Variants in BABAM2 observed in about 807,000 individuals in gnomAD.
BABAM2 encodes the protein BRISC and BRCA1-A complex member 2.
Under a neutral mutation model 54.7 loss-of-function variants are expected in BABAM2, and 31 were observed. That is an observed-to-expected ratio of 0.57 (90% CI 0.43 to 0.77). BABAM2 has a LOEUF of 0.77. Among genes scored for constraint, BABAM2 ranks in the 30% least tolerant of loss-of-function variants. The pLI is 0.00. For missense variants in BABAM2, 364 were observed against 455.8 expected (o/e 0.80, Z 1.83); for synonymous variants, 167 against 162.9 (o/e 1.03, Z -0.19).
At chr2:28,000,607 A>G (rs1174704942) in intron 4 of BABAM2, among the ~76,000 whole-genome samples, 1 of 152,190 alleles carries the variant, frequency 6.6e-6, no homozygotes, top group African/African-American at 2.4e-5. Context: ...TGCAACCCAC[A>G]GAAGTGGGAG....
intron 3 of BABAM2, among the ~76,000 whole-genome samples, chr2:27,936,891 A>G (rs897006951): frequency 6.6e-6 from 1 of 152,156 alleles, no homozygotes; most frequent in East Asian, 1.9e-4. Context: ...TGGCACATGT[A>G]TACATATGTA....
In BABAM2 at chr2:28,338,585, C is replaced by A; in HGVS notation, c.*72C>A. 1.3e-6 allele frequency: 2 copies of A among 1,551,848 alleles called. No individual in the cohort carries two copies. Among genetic ancestry groups the A allele is most frequent in the East Asian group, 2.3e-5 (1 of 44,388 alleles). On this transcript the variant is annotated 3_prime_UTR_variant, in exon 12 of 12. Coordinates refer to ENST00000379624, the MANE Select transcript of BABAM2 (RefSeq NM_199191.3). Reference sequence around the variant, plus strand: ...GCGTGTCAGCACATACAGCCGCTTCCTGGAAGCCGCCTGGAATGTCTTCAC... The same window carrying A: ...GCGTGTCAGCACATACAGCCGCTTCATGGAAGCCGCCTGGAATGTCTTCAC...
At chr2:28,066,672 G>C (rs1398944133) in intron 6 of BABAM2, among the ~76,000 whole-genome samples, 2 of 152,162 alleles carry the variant, frequency 1.3e-5, no homozygotes, top group Non-Finnish European at 2.9e-5. Context: ...TATTAGGAAG[G>C]CTTGATGCCT....
chr2:27,915,918 T>G (rs913249875), intron 2 of BABAM2, among the ~76,000 whole-genome samples: 7 of 152,224 alleles, frequency 4.6e-5, no homozygotes, highest in African/African-American at 1.7e-4. Context: ...GTTTTCCATC[T>G]ATTCTTTCCT....
chr2:28,185,831 C>T (rs7586315), intron 7 of BABAM2, among the ~76,000 whole-genome samples: 10,761 of 151,990 alleles, frequency 0.071, 429 homozygotes, highest in African/African-American at 0.096. Context: ...CTACAAAGAC[C>T]ACTGGGAGGC....
intron 6 of BABAM2, among the ~76,000 whole-genome samples, chr2:28,083,016 C>T (rs1311741187): frequency 6.6e-6 from 1 of 152,206 alleles, no homozygotes; most frequent in Non-Finnish European, 1.5e-5. Flanking sequence ...CCATCCTCTG[C>T]CATCATCCTC....
At chr2:28,003,058 A>G (rs1243678863) in intron 4 of BABAM2, among the ~76,000 whole-genome samples, 1 of 152,180 alleles carries the variant, frequency 6.6e-6, no homozygotes, top group Non-Finnish European at 1.5e-5. Flanking sequence ...TTTGGTGATT[A>G]TTAGGATTTA....
At chr2:28,092,262 G>A (rs1666214951) in intron 6 of BABAM2, among the ~76,000 whole-genome samples, 1 of 152,080 alleles carries the variant, frequency 6.6e-6, no homozygotes, top group African/African-American at 2.4e-5. Context: ...TGATTGGAAA[G>A]GAAGAAGTAC....
intron 5 of BABAM2, among the ~76,000 whole-genome samples, chr2:28,037,377 A>C (rs1676745246): frequency 6.6e-6 from 1 of 152,138 alleles, no homozygotes; most frequent in South Asian, 2.1e-4. Context: ...TTTCTGTATA[A>C]ACATATATAG....
At chr2:28,219,656 C>G (rs1352780043) in intron 7 of BABAM2, among the ~76,000 whole-genome samples, 1 of 146,110 alleles carries the variant, frequency 6.8e-6, no homozygotes, top group East Asian at 2.0e-4. Context: ...TCTGTTTAAT[C>G]AGAAAAAAAA....
intron 6 of BABAM2, among the ~76,000 whole-genome samples, chr2:28,049,936 G>C (rs543420857): frequency 7.9e-5 from 12 of 152,198 alleles, no homozygotes; most frequent in Non-Finnish European, 1.5e-4. Flanking sequence ...CTTATAGTCA[G>C]TCTGCTTTCT....
chr2:27,896,814 G>T, intron 2 of BABAM2: 1 of 232,004 alleles, frequency 4.3e-6, no homozygotes, highest in South Asian at 4.9e-5. Flanking sequence ...GTGCCCAACT[G>T]GGTCCACATT....
chr2:28,299,989 A>T (rs769703383), intron 11 of BABAM2, among the ~76,000 whole-genome samples: 1 of 152,006 alleles, frequency 6.6e-6, no homozygotes, highest in Non-Finnish European at 1.5e-5. Flanking sequence ...CCTAGGCTGG[A>T]GTACAGTGGT....
In BABAM2 at chr2:28,237,237, C is replaced by A; in HGVS notation, c.716C>A (p.Ala239Asp). 6.2e-7 allele frequency: 1 copy of A among 1,613,910 alleles called. No homozygotes were observed. The change falls in exon 8 of 12, where the codon GCT becomes GAT. Residue 239 changes from alanine (A) to aspartate (D), a missense_variant. Physicochemically the swap from Ala to Asp is moderately radical, Grantham distance 126. Transcript: ENST00000379624. ...GGCTCCTCAGCTCTTCATATCCCAG[C>A]TTTTCCAGGAGGAGGATGTCTCATT... Reference protein sequence around the residue: ...LGGSSALHIPAFPGGGCLIDY... With the variant: ...LGGSSALHIPDFPGGGCLIDY...
chr2:27,967,062 G>C (rs1437086222), intron 3 of BABAM2, among the ~76,000 whole-genome samples: 1 of 152,086 alleles, frequency 6.6e-6, no homozygotes, highest in East Asian at 1.9e-4. Flanking sequence ...ATTTCTCCAG[G>C]AGAAACATAT....
intron 5 of BABAM2, among the ~76,000 whole-genome samples, chr2:28,038,074 G>A (rs1676794881): frequency 6.6e-6 from 1 of 152,128 alleles, no homozygotes; most frequent in Admixed American, 6.5e-5. Context: ...CCCCATCTGG[G>A]ATAAATGCAA....
intron 7 of BABAM2, among the ~76,000 whole-genome samples, chr2:28,235,525 A>G (rs988555044): frequency 1.3e-5 from 2 of 152,194 alleles, no homozygotes; most frequent in South Asian, 4.1e-4. Flanking sequence ...CCTGTAGTCA[A>G]TAGGGAGACA....
intron 3 of BABAM2, among the ~76,000 whole-genome samples, chr2:27,975,547 G>C (rs1308340892): frequency 1.3e-5 from 2 of 152,034 alleles, no homozygotes; most frequent in African/African-American, 4.8e-5. Context: ...TTCAAACCAT[G>C]TTCAAAAATT....
chr2:28,007,660 A>G (rs1456146273), intron 4 of BABAM2, among the ~76,000 whole-genome samples: 1 of 152,120 alleles, frequency 6.6e-6, no homozygotes, highest in East Asian at 1.9e-4. Flanking sequence ...GCTATTTTGT[A>G]TCCCTTAGAC....
Sources: allele counts gnomAD v4.1 joint callset (sites outside exome capture counted in the v4.1 genomes callset), GRCh38; gene constraint gnomAD v4.1.1; transcripts MANE v1.5; gene names NCBI Gene and HGNC (gene_info 2026-07-23, HGNC 2026-07-21).